Variants in DMGDH observed in about 807,000 individuals in gnomAD.
DMGDH encodes the protein dimethylglycine dehydrogenase.
A neutral mutation model predicts 95.2 loss-of-function variants in DMGDH; 76 were observed. That is an observed-to-expected ratio of 0.80 (90% CI 0.66 to 0.97). The LOEUF (loss-of-function observed/expected upper bound fraction) is 0.97. DMGDH is among the 50% of genes least tolerant of loss of function. DMGDH has a pLI of 0.00. For missense variants in DMGDH, 987 were observed against 1,055.0 expected, an observed-to-expected ratio of 0.94 and a Z score of 0.89; for synonymous variants, 345 against 377.6, an observed-to-expected ratio of 0.91 and a Z score of 1.00.
chr5:79,016,856 T>C (rs1017969264), intron 14 of DMGDH, among the ~76,000 whole-genome samples: 1 of 152,106 alleles, frequency 6.6e-6, no homozygotes, highest in Admixed American at 6.6e-5. Context: ...ATATACAGAA[T>C]ACAACAGAGT....
rs368054588 is a variant in DMGDH, at chr5:79,034,914, G to C, written c.1194-1506C>G. 4.4e-3 allele frequency among the ~76,000 whole-genome samples: 668 copies of C among 151,512 alleles called. 5 individuals carry two copies. The highest frequency in any genetic ancestry group is 0.014 in the African/African-American group (595 of 41,254). On this transcript the variant is annotated intron_variant, in intron 7 of 15. Coordinates refer to ENST00000255189, the MANE Select transcript of DMGDH (RefSeq NM_013391.3). The stretch of plus-strand genomic sequence containing the variant: ...CTACTAAAAATACAAAAAATTAGCC[G>C]GGCGTGTTGGCGGGCGCCTGTAGTC...
chr5:79,056,016 A>C lies in DMGDH; in HGVS notation c.277-108T>G, dbSNP rs929785298. ...TAATGCTGGAAAGAAACTGAGAAGC[A>C]CCAGCCAGTCCTTTGGGATGAGAAC... is the stretch of plus-strand genomic sequence containing the variant. On this transcript the variant is annotated intron_variant, in intron 2 of 15. Coordinates refer to ENST00000255189, the MANE Select transcript of DMGDH (RefSeq NM_013391.3). The C allele has an allele frequency of 6.3e-4, 474 of 750,276 alleles. 3 individuals carry two copies. The highest frequency in any genetic ancestry group is 7.2e-4 in the Middle Eastern group (2 of 2,770). 46.5% of individuals were successfully genotyped at this position (750,276 alleles called of 1,614,324 possible). A position where few individuals can be genotyped will look rare whatever the true frequency, so the allele number is the denominator to read the frequency against.
intron 2 of DMGDH, among the ~76,000 whole-genome samples, chr5:79,061,744 A>AC (rs905382922): frequency 5.9e-5 from 9 of 151,988 alleles, no homozygotes; most frequent in South Asian, 4.2e-4. Context: ...ACATAGTGAG[A>AC]CCCCCATTTC....
intron 7 of DMGDH, among the ~76,000 whole-genome samples, chr5:79,033,855 C>T (rs1754263592): frequency 6.6e-6 from 1 of 152,156 alleles, no homozygotes; most frequent in South Asian, 2.1e-4. Context: ...TAACTTGAGC[C>T]TAGGCGGTAG....
intron 12 of DMGDH, among the ~76,000 whole-genome samples, chr5:79,027,238 T>C: frequency 6.6e-6 from 1 of 152,046 alleles, no homozygotes; most frequent in Non-Finnish European, 1.5e-5. Context: ...CCCAGGCTGG[T>C]CCTGAACTCC....
chr5:79,068,075 A>G (rs941710567), intron 1 of DMGDH, among the ~76,000 whole-genome samples: 1 of 151,962 alleles, frequency 6.6e-6, no homozygotes, highest in Non-Finnish European at 1.5e-5. Context: ...ACACCATGAC[A>G]CCCAGTTAAT....
chr5:79,067,397 G>A (rs1580238400), intron 1 of DMGDH, among the ~76,000 whole-genome samples: 1 of 152,148 alleles, frequency 6.6e-6, no homozygotes, highest in Non-Finnish European at 1.5e-5. Context: ...TAATCTTAAA[G>A]GTTCTTTTTT....
chr5:79,007,844 T>C (rs1753577772), intron 14 of DMGDH, among the ~76,000 whole-genome samples: 1 of 152,240 alleles, frequency 6.6e-6, no homozygotes, highest in Admixed American at 6.5e-5. Context: ...CCCTGCTGAA[T>C]ATCAGATACT....
chr5:79,001,096 T>C (rs1234553341), intron 15 of DMGDH: 1 of 636,944 alleles, frequency 1.6e-6, no homozygotes, highest in African/African-American at 1.8e-5. Context: ...TGCCTTTGGT[T>C]ACTCCCTGCG....
intron 14 of DMGDH, among the ~76,000 whole-genome samples, chr5:79,022,604 A>G (rs182663452): frequency 1.3e-5 from 2 of 152,334 alleles, no homozygotes; most frequent in Non-Finnish European, 2.9e-5. Flanking sequence ...CAATTCAGAA[A>G]TTATAAAAAC....
At chr5:79,000,237 G>T in intron 15 of DMGDH, 1 of 631,618 alleles carries the variant, frequency 1.6e-6, no homozygotes, top group Non-Finnish European at 3.1e-6. Context: ...CTCCATACCA[G>T]CGTGATACCA....
intron 14 of DMGDH, among the ~76,000 whole-genome samples, chr5:79,016,816 T>C (rs1172186758): frequency 6.6e-6 from 1 of 152,188 alleles, no homozygotes; most frequent in African/African-American, 2.4e-5. Context: ...ATCAAGACAC[T>C]GTAGTATTGG....
At chr5:79,008,046 T>C (rs1753581197) in intron 14 of DMGDH, among the ~76,000 whole-genome samples, 1 of 152,214 alleles carries the variant, frequency 6.6e-6, no homozygotes, top group South Asian at 2.1e-4. Flanking sequence ...CACAGTAGCA[T>C]ATCAATTAGC....
rs1029687852 is a variant in DMGDH, at chr5:78,998,133, G to A, written c.2550C>T (p.Thr850=). ...TCTGAAGCCGGTTTCTGGTTGGTTC[G>A]GTCAATACCAAAGGTTCTTGTATGA... is the stretch of plus-strand genomic sequence containing the variant. ...AVIIQEPLVL[T]EPTRNRLQKK... The change falls in exon 16 of 16, where the codon ACC becomes ACT. Residue 850 remains threonine (T), a synonymous_variant. Coordinates refer to ENST00000255189, the MANE Select transcript of DMGDH (RefSeq NM_013391.3). 14 of 1,613,958 alleles carry A rather than the reference G, an allele frequency of 8.7e-6. No individual in the cohort carries two copies. Among genetic ancestry groups the A allele is most frequent in the Middle Eastern group, 3.3e-4 (2 of 6,084 alleles).
At chr5:79,023,593 G>A in intron 14 of DMGDH, among the ~76,000 whole-genome samples, 1 of 152,182 alleles carries the variant, frequency 6.6e-6, no homozygotes, top group East Asian at 1.9e-4. Context: ...TGGGACCTGA[G>A]AATTAGCATT....
intron 9 of DMGDH, 112 bp downstream of exon 9, chr5:79,032,575 G>T: frequency 6.9e-7 from 1 of 1,452,800 alleles, no homozygotes. Context: ...AAAGCTCAGT[G>T]CTCCTTGGAA....
At chr5:78,998,714 A>G (rs370599485) in intron 15 of DMGDH, among the ~76,000 whole-genome samples, 7 of 152,088 alleles carry the variant, frequency 4.6e-5, no homozygotes, top group Admixed American at 3.3e-4. Context: ...GCTGGGCATG[A>G]TGGCGGGCGC....
At chr5:79,034,920 G>A (rs985267626) in intron 7 of DMGDH, among the ~76,000 whole-genome samples, 26 of 151,710 alleles carry the variant, frequency 1.7e-4, no homozygotes, top group Admixed American at 5.9e-4. Context: ...AGCCGGGCGT[G>A]TTGGCGGGCG....
chr5:79,067,608 A>T (rs1435909079), intron 1 of DMGDH, among the ~76,000 whole-genome samples: 1 of 152,230 alleles, frequency 6.6e-6, no homozygotes, highest in Non-Finnish European at 1.5e-5. Context: ...GCAACATATG[A>T]TAAAGCATTA....
Sources: allele counts gnomAD v4.1 joint callset (sites outside exome capture counted in the v4.1 genomes callset), GRCh38; gene constraint gnomAD v4.1.1; transcripts MANE v1.5; gene names NCBI Gene and HGNC (gene_info 2026-07-23, HGNC 2026-07-21).